Variants in SHTN1 observed in about 807,000 individuals in gnomAD.
The protein encoded by SHTN1 is shootin-1.
Under a neutral mutation model 83.1 loss-of-function variants are expected in SHTN1, and 42 were observed. That is an observed-to-expected ratio of 0.51 (90% CI 0.39 to 0.65). SHTN1 has a LOEUF of 0.65. Among genes scored for constraint, SHTN1 ranks in the 30% least tolerant of loss-of-function variants. The pLI is 0.00. For missense variants in SHTN1, 622 were observed against 737.8 expected, an observed-to-expected ratio of 0.84 and a Z score of 1.82; for synonymous variants, 224 against 247.7, an observed-to-expected ratio of 0.90 and a Z score of 0.90.
chr10:116,971,334 TTCTG>T (rs1350819194), intron 2 of SHTN1, among the ~76,000 whole-genome samples: 2 of 152,168 alleles, frequency 1.3e-5, no homozygotes, highest in African/African-American at 4.8e-5. Context: ...ATAATAATAA[TTCTG>T]TCTAATATAG....
intron 16 of SHTN1, among the ~76,000 whole-genome samples, chr10:116,888,492 T>A (rs181491542): frequency 6.6e-6 from 1 of 152,166 alleles, no homozygotes; most frequent in Admixed American, 6.5e-5. Flanking sequence ...GTTCTGACAG[T>A]TGGGAGGGAA....
chr10:116,919,179 T>C (rs546805180), intron 12 of SHTN1, among the ~76,000 whole-genome samples: 2 of 152,360 alleles, frequency 1.3e-5, no homozygotes, highest in African/African-American at 4.8e-5. Flanking sequence ...CAATGTTTGA[T>C]GCTTTACATT....
chr10:117,077,072 C>A (rs1853168725), intron 1 of SHTN1, among the ~76,000 whole-genome samples: 1 of 152,154 alleles, frequency 6.6e-6, no homozygotes, highest in African/African-American at 2.4e-5. Flanking sequence ...TCCCCCAGCA[C>A]AAAAGCCCTT....
chr10:117,095,288 G>T (rs1242894777), intron 1 of SHTN1, among the ~76,000 whole-genome samples: 1 of 152,142 alleles, frequency 6.6e-6, no homozygotes. Context: ...GAGAAAAAGG[G>T]ATAACTGCTG....
chr10:117,012,638 G>GTT (rs1285375150), intron 2 of SHTN1, among the ~76,000 whole-genome samples: 2 of 151,950 alleles, frequency 1.3e-5, no homozygotes, highest in Non-Finnish European at 2.9e-5. Context: ...ACCTGAAACA[G>GTT]TAAAACTTTA....
At chr10:117,058,744 A>G (rs755055151) in intron 1 of SHTN1, among the ~76,000 whole-genome samples, 2 of 152,214 alleles carry the variant, frequency 1.3e-5, no homozygotes, top group Non-Finnish European at 2.9e-5. Flanking sequence ...CAACCCAAGT[A>G]TCCATTGATA....
chr10:116,990,287 C>CTTT lies in SHTN1; in HGVS notation c.59-10982_59-10980dup, dbSNP rs11399364. ...TCTTTTTTCTTTTTCTTTTTTCTTT[C>CTTT]TTTTTTTTTTTTTTTTTGGTGTGGT... On this transcript the variant is annotated intron_variant, in intron 1 of 16. Coordinates refer to ENST00000355371, the MANE Select transcript of SHTN1 (RefSeq NM_001127211.3). 9.5e-3 allele frequency among the ~76,000 whole-genome samples: 1,140 copies of CTTT among 119,880 alleles called. 23 individuals carry two copies. Among genetic ancestry groups the CTTT allele is most frequent in the South Asian group, 0.032 (114 of 3,586 alleles). 78.6% of individuals were successfully genotyped at this position (119,880 alleles called of 152,430 possible).
intron 16 of SHTN1, among the ~76,000 whole-genome samples, chr10:116,889,006 AT>A (rs1847251090): frequency 6.6e-6 from 1 of 152,214 alleles, no homozygotes; most frequent in Admixed American, 6.5e-5. Flanking sequence ...GCCCACTCTT[AT>A]GTAAGCCAGT....
At chr10:116,904,718 T>A (rs922759802) in intron 15 of SHTN1, among the ~76,000 whole-genome samples, 1 of 152,232 alleles carries the variant, frequency 6.6e-6, no homozygotes, top group African/African-American at 2.4e-5. Context: ...TTCAAATTTC[T>A]ATATTAACTA....
At chr10:116,943,140 T>G (rs1266054626) in intron 8 of SHTN1, among the ~76,000 whole-genome samples, 1 of 152,204 alleles carries the variant, frequency 6.6e-6, no homozygotes, top group African/African-American at 2.4e-5. Flanking sequence ...GCTTTCTTTC[T>G]CTCCTCAAAC....
intron 1 of SHTN1, among the ~76,000 whole-genome samples, chr10:117,073,662 C>T (rs537313295): frequency 3.3e-5 from 5 of 152,314 alleles, no homozygotes; most frequent in African/African-American, 1.2e-4. Flanking sequence ...ACTGGATTTG[C>T]TTTAATTTTT....
Position 117,092,374 on chromosome 10 carries a change from G to C in SHTN1, c.-189+33933C>G, listed in dbSNP as rs577024769. Among the ~76,000 whole-genome samples, 4 of 152,322 alleles carry C rather than the reference G, an allele frequency of 2.6e-5. No homozygotes were observed. The South Asian group carries it at 8.3e-4, about 32-fold the overall frequency. On this transcript the variant is annotated intron_variant, in intron 1 of 17. Transcript: ENST00000392901. The stretch of plus-strand genomic sequence containing the variant: ...GCATATGAAAGCCTATGATTCTCTA[G>C]ATGACCAAGCTACAACATCCTTTAT...
intron 4 of SHTN1, among the ~76,000 whole-genome samples, chr10:116,958,052 T>G (rs1850046375): frequency 1.3e-5 from 2 of 152,090 alleles, no homozygotes; most frequent in African/African-American, 4.8e-5. Flanking sequence ...AGAGCAGGAC[T>G]CCATTTCAAA....
chr10:117,089,247 G>A (rs955986631), intron 1 of SHTN1, among the ~76,000 whole-genome samples: 1 of 152,178 alleles, frequency 6.6e-6, no homozygotes, highest in Admixed American at 6.5e-5. Context: ...TTTATGTGGT[G>A]TGTACATTTT....
intron 1 of SHTN1, among the ~76,000 whole-genome samples, chr10:117,062,008 TTGCTA>T (rs1336949024): frequency 2.6e-5 from 4 of 152,218 alleles, no homozygotes. Flanking sequence ...ATCTTTTGCA[TTGCTA>T]TTAACCTCAA....
intron 12 of SHTN1, among the ~76,000 whole-genome samples, chr10:116,915,732 A>G (rs1848360661): frequency 6.6e-6 from 1 of 152,184 alleles, no homozygotes; most frequent in South Asian, 2.1e-4. Flanking sequence ...CCAAGTCAGT[A>G]TTGTCTTGCC....
At chr10:116,945,494 G>T (rs914085717) in intron 7 of SHTN1, among the ~76,000 whole-genome samples, 2 of 152,040 alleles carry the variant, frequency 1.3e-5, no homozygotes, top group African/African-American at 4.8e-5. Flanking sequence ...ATTCATTTTT[G>T]TTCTTTAAAA....
intron 1 of SHTN1, among the ~76,000 whole-genome samples, chr10:117,088,269 C>T (rs1363185247): frequency 1.3e-5 from 2 of 152,296 alleles, no homozygotes; most frequent in Non-Finnish European, 2.9e-5. Context: ...CTACCAGCTA[C>T]CTCAGTTCAC....
At chr10:117,047,048 T>G (rs905371294) in intron 2 of SHTN1, among the ~76,000 whole-genome samples, 2 of 152,046 alleles carry the variant, frequency 1.3e-5, no homozygotes, top group African/African-American at 4.8e-5. Flanking sequence ...ATTTATGATA[T>G]GTAAATTATT....
Sources: gnomAD v4.1 joint callset for allele counts (sites outside exome capture counted in the v4.1 genomes callset) on GRCh38, gnomAD v4.1.1 for gene constraint, MANE v1.5 for transcripts, NCBI Gene and HGNC (gene_info 2026-07-23, HGNC 2026-07-21) for gene names.